The following ALPK3 variants were observed in gnomAD, a reference collection of about 807,000 sequenced individuals.
ALPK3 encodes alpha-protein kinase 3.
In ALPK3, 102 loss-of-function variants were observed where a neutral mutation model predicts 140.0. The ratio of observed to expected loss-of-function variants is 0.73; its 90% CI spans 0.62 to 0.86. ALPK3 has a LOEUF of 0.86. Among genes scored for constraint, ALPK3 ranks in the 40% least tolerant of loss-of-function variants. ALPK3 has a pLI of 0.00. For missense variants in ALPK3, 2,254 were observed against 2,208.2 expected, an observed-to-expected ratio of 1.02 and a Z score of -0.42; for synonymous variants, 938 against 898.5, an observed-to-expected ratio of 1.04 and a Z score of -0.79.
At chr15:84,845,382 C>CT (rs1041630997) in intron 5 of ALPK3, among the ~76,000 whole-genome samples, 3 of 151,482 alleles carry the variant, frequency 2.0e-5, no homozygotes, top group African/African-American at 4.8e-5. Context: ...GTCCCTGTTC[C>CT]TTTTTTTTTC....
In ALPK3 at chr15:84,868,427, G is replaced by A. The variant is rs2141576412; in HGVS notation, c.5089G>A (p.Glu1697Lys). The change falls in exon 14 of 14, where the codon GAG becomes AAG. Residue 1697 changes from glutamate (E) to lysine (K), a missense_variant. This residue lies in a region of ALPK3 where 158 missense variants were observed against 159.8 expected (regional missense o/e 0.99). Transcript: ENST00000258888. Reference protein sequence around the residue: ...QLLGQPPTQEEGSKAQGMR With the variant: ...QLLGQPPTQEKGSKAQGMR ...GTTGGGACAGCCTCCCACCCAAGAG[G>A]AGGGCTCCAAGGCCCAGGGCATGCG... 1 of 1,610,868 alleles carries A rather than the reference G, an allele frequency of 6.2e-7. No individual in the cohort carries two copies. The highest frequency in any genetic ancestry group is 8.5e-7 in the Non-Finnish European group (1 of 1,179,958).
At chr15:84,827,115 T>A (rs1963495799) in intron 2 of ALPK3, among the ~76,000 whole-genome samples, 1 of 152,188 alleles carries the variant, frequency 6.6e-6, no homozygotes, top group South Asian at 2.1e-4. Context: ...CTTGACCTAC[T>A]TATCTGTGTG....
At chr15:84,859,119 G>T in intron 6 of ALPK3, 124 bp from the exon 7 acceptor site, 1 of 1,329,560 alleles carries the variant, frequency 7.5e-7, no homozygotes, top group Admixed American at 2.3e-5. Flanking sequence ...GCTGTGAGTG[G>T]TAGGTCTGTG....
rs776875875 is a variant in ALPK3 at position 84,839,978 on chromosome 15, G to A, written c.699G>A (p.Pro233=). ...RKRRLSGAQA[P]GPSVPTREPE... ...GGCGATTGAGCGGGGCTCAAGCGCCGGGCCCCTCGGTCCCTACCAGGGAGC... is the reference window on the plus strand; with the variant it reads ...GGCGATTGAGCGGGGCTCAAGCGCCAGGCCCCTCGGTCCCTACCAGGGAGC... Residue 233 remains proline (P), a synonymous_variant, in exon 5 of 14, where the codon CCG becomes CCA. Coordinates refer to ENST00000258888, the MANE Select transcript of ALPK3 (RefSeq NM_020778.5). 21 of 1,612,658 alleles carry A rather than the reference G, an allele frequency of 1.3e-5. No individual in the cohort carries two copies. The East Asian group carries it at 4.7e-4, about 36-fold the overall frequency.
Position 84,857,293 on chromosome 15 carries a change from A to C in ALPK3, c.2555A>C (p.Gln852Pro). The change falls in exon 6 of 14, where the codon CAG becomes CCG. Residue 852 changes from glutamine (Q) to proline (P), a missense_variant. By Grantham distance (76) the Gln-to-Pro change is moderately conservative. Around this residue, in one of 3 missense-constraint regions of ALPK3, gnomAD observed 2,088 missense variants for 2,022.9 expected, o/e 1.03. Coordinates refer to ENST00000258888, the MANE Select transcript of ALPK3 (RefSeq NM_020778.5). ...ERPGGVPCMD[Q>P]GGCPLAGLSQ... ...CCAGGGGGAGTGCCGTGTATGGATC[A>C]GGGTGGCTGTCCTCTAGCTGGCCTG... The C allele has an allele frequency of 6.2e-7, 1 of 1,614,078 alleles. No homozygotes were observed. The highest frequency in any genetic ancestry group is 8.5e-7 in the Non-Finnish European group (1 of 1,179,976).
chr15:84,820,451 C>T (rs986409199), intron 1 of ALPK3, among the ~76,000 whole-genome samples: 2 of 152,118 alleles, frequency 1.3e-5, no homozygotes, highest in African/African-American at 4.8e-5. Context: ...TTTTCCGTAG[C>T]CTACTTCACT....
At position 84,856,726 on chromosome 15, in the gene ALPK3, C is replaced by T. The variant is rs768286098; in HGVS notation, c.1988C>T (p.Thr663Ile). The stretch of plus-strand genomic sequence containing the variant: ...AGGAGTGCACAGAAGGGCATGATGA[C>T]ACAGGGAAGGGCAGAGACACAGCTA... ...SDRSAQKGMMTQGRAETQLET... is the reference protein window; with the variant it reads ...SDRSAQKGMMIQGRAETQLET... Residue 663 changes from threonine (T) to isoleucine (I), a missense_variant, in exon 6 of 14, where the codon ACA becomes ATA. Coordinates refer to ENST00000258888, the MANE Select transcript of ALPK3 (RefSeq NM_020778.5). The T allele has an allele frequency of 3.1e-6, 5 of 1,613,938 alleles. No homozygotes were observed. The Admixed American group carries it at 6.7e-5, about 22-fold the overall frequency.
At chr15:84,842,552 T>C (rs1421430062) in intron 5 of ALPK3, among the ~76,000 whole-genome samples, 1 of 152,050 alleles carries the variant, frequency 6.6e-6, no homozygotes, top group Non-Finnish European at 1.5e-5. Context: ...GACAAGCTGA[T>C]ACAGCACCTG....
chr15:84,857,320 G>A lies in ALPK3; in HGVS notation c.2582G>A (p.Ser861Asn), dbSNP rs887529529. Reference protein sequence around the residue: ...DQGGCPLAGLSQEVPTMPSLP... With the variant: ...DQGGCPLAGLNQEVPTMPSLP... ...GGTGGCTGTCCTCTAGCTGGCCTGAGCCAGGAGGTACCCACGATGCCTTCT... is the reference window on the plus strand; with the variant it reads ...GGTGGCTGTCCTCTAGCTGGCCTGAACCAGGAGGTACCCACGATGCCTTCT... The change falls in exon 6 of 14, where the codon AGC (serine) becomes AAC (asparagine). Residue 861 changes from serine to asparagine, a missense_variant. Physicochemically the swap from Ser to Asn is conservative, Grantham distance 46 (BLOSUM62 1). This residue lies in a region of ALPK3 where 2,088 missense variants were observed against 2,022.9 expected (regional missense o/e 1.03). Transcript: ENST00000258888. The A allele has an allele frequency of 4.0e-5, 65 of 1,614,018 alleles. No homozygotes were observed. Among genetic ancestry groups the A allele is most frequent in the Non-Finnish European group, 5.4e-5 (64 of 1,180,024 alleles).
At position 84,858,136 on chromosome 15, in the gene ALPK3, T is replaced by A; in HGVS notation, c.3398T>A (p.Ile1133Lys). 2 of 1,597,316 alleles carry A rather than the reference T, an allele frequency of 1.3e-6. No homozygotes were observed. The highest frequency in any genetic ancestry group is 1.7e-6 in the Non-Finnish European group (2 of 1,173,736). Residue 1133 changes from isoleucine to lysine, a missense_variant, in exon 6 of 14, where the codon ATA (isoleucine) becomes AAA (lysine). Physicochemically the swap from Ile to Lys is moderately radical, Grantham distance 102. Coordinates refer to ENST00000258888, the MANE Select transcript of ALPK3 (RefSeq NM_020778.5). ...GGACAGGGGCCCTCAGCAGAGAGCA[T>A]AGCCCAGGAGCCCTCCCAAGAGGAG... ...APGQGPSAES[I>K]AQEPSQEEKF...
chr15:84,844,509 C>T (rs306202), intron 5 of ALPK3, among the ~76,000 whole-genome samples: 65,102 of 151,974 alleles, frequency 0.43, 14,886 homozygotes, highest in Middle Eastern at 0.54. Flanking sequence ...CTTCATATAT[C>T]GAAGGAGATA....
In ALPK3 at chr15:84,859,404, A is replaced by G. The variant is rs774954952; in HGVS notation, c.3965+14A>G. ...GGTGGGCAGGAGGTAAGCCAACGACACCACTGCCACCTGACCTGGCTCCCT... is the reference window on the plus strand; with the variant it reads ...GGTGGGCAGGAGGTAAGCCAACGACGCCACTGCCACCTGACCTGGCTCCCT... On this transcript the variant is annotated intron_variant, in intron 7 of 13. Transcript: ENST00000258888. 1 of 1,613,480 alleles carries G rather than the reference A, an allele frequency of 6.2e-7. No homozygotes were observed. The highest frequency in any genetic ancestry group is 1.7e-5 in the Admixed American group (1 of 59,960).
intron 3 of ALPK3, among the ~76,000 whole-genome samples, chr15:84,829,401 T>G (rs1455608748): frequency 6.6e-6 from 1 of 152,204 alleles, no homozygotes; most frequent in African/African-American, 2.4e-5. Flanking sequence ...ATAGAACAAT[T>G]TATTGCAAAG....
At chr15:84,820,049 C>T (rs760001904) in intron 1 of ALPK3, among the ~76,000 whole-genome samples, 3 of 152,206 alleles carry the variant, frequency 2.0e-5, no homozygotes, top group Non-Finnish European at 4.4e-5. Flanking sequence ...CCAGGTCACC[C>T]GGCATCTAGG....
At chr15:84,844,592 C>T (rs949786738) in intron 5 of ALPK3, among the ~76,000 whole-genome samples, 12 of 152,176 alleles carry the variant, frequency 7.9e-5, no homozygotes, top group Non-Finnish European at 1.8e-4. Flanking sequence ...CGCAGTGGTT[C>T]ACGCCTGTAA....
At position 84,872,887 on chromosome 15, in the gene ALPK3, A is replaced by G. The variant is rs528515262; in HGVS notation, c.*4431A>G. 1 of 152,330 alleles carries G rather than the reference A, an allele frequency of 6.6e-6. No individual in the cohort carries two copies. Among genetic ancestry groups the G allele is most frequent in the Non-Finnish European group, 1.5e-5 (1 of 68,032 alleles). 9.4% of individuals were successfully genotyped at this position (152,330 alleles called of 1,614,324 possible). ...CTTCCTCTCCATTTAAGGTCTGGAA[A>G]TCAAGTGGGAGATCTTGACTTTACC... On this transcript the variant is annotated 3_prime_UTR_variant, in exon 14 of 14. Coordinates refer to ENST00000258888, the MANE Select transcript of ALPK3 (RefSeq NM_020778.5).
At chr15:84,822,209 A>G (rs1963434647) in intron 1 of ALPK3, among the ~76,000 whole-genome samples, 1 of 152,170 alleles carries the variant, frequency 6.6e-6, no homozygotes, top group Non-Finnish European at 1.5e-5. Flanking sequence ...AGGGAGAAAC[A>G]AGGGCCAAGA....
intron 7 of ALPK3, 138 bp downstream of exon 7, chr15:84,859,528 G>A (rs1263565059): frequency 5.2e-6 from 7 of 1,333,764 alleles, no homozygotes; most frequent in Non-Finnish European, 7.0e-6. Context: ...TCCCATAGTA[G>A]AGATGAGAAA....
chr15:84,859,725 A>G, intron 7 of ALPK3, 51 bp from the exon 8 acceptor site: 1 of 1,565,374 alleles, frequency 6.4e-7, no homozygotes. Context: ...GCTTAGGACC[A>G]CAGTCTGCCC....
Sources: allele counts gnomAD v4.1 joint callset (sites outside exome capture counted in the v4.1 genomes callset), GRCh38; gene constraint gnomAD v4.1.1; regional missense constraint gnomAD v4.1.1; transcripts MANE v1.5; gene names NCBI Gene and HGNC (gene_info 2026-07-23, HGNC 2026-07-21).